The following RGS8 variants were observed in gnomAD, a reference collection of about 807,000 sequenced individuals.
RGS8 encodes the protein regulator of G protein signaling 8, also known as regulator of G-protein signaling 8.
A neutral mutation model predicts 21.7 loss-of-function variants in RGS8; 8 were observed. That is an observed-to-expected ratio of 0.37 (90% CI 0.22 to 0.66). The LOEUF is 0.66. Ranked by LOEUF, RGS8 falls within the 30% of genes least tolerant of loss-of-function variation. The pLI is 0.59. For missense variants in RGS8, 157 were observed against 217.9 expected (o/e 0.72, Z 1.76); for synonymous variants, 80 against 83.6 (o/e 0.96, Z 0.24).
At chr1:182,643,401 C>T (rs888307602), downstream of RGS8, 1 of 147,356 alleles carries the variant, frequency 6.8e-6, no homozygotes, top group African/African-American at 2.5e-5. Flanking sequence ...ATTGGAATCA[C>T]CTGTGGAGCT....
At chr1:182,685,760 G>A (rs1664686760), upstream of RGS8, among the ~76,000 whole-genome samples, 1 of 152,082 alleles carries the variant, frequency 6.6e-6, no homozygotes, top group South Asian at 2.1e-4. Context: ...GACCCCTCAG[G>A]GGACAGGTCA....
chr1:182,711,865 C>T, the RGS8 span, among the ~76,000 whole-genome samples: 1 of 152,158 alleles, frequency 6.6e-6, no homozygotes, highest in Non-Finnish European at 1.5e-5. Context: ...TCTCTGTTTT[C>T]CTCCTTTGCT....
At chr1:182,710,610 C>G in the RGS8 span, among the ~76,000 whole-genome samples, 1 of 152,002 alleles carries the variant, frequency 6.6e-6, no homozygotes, top group Non-Finnish European at 1.5e-5. Flanking sequence ...ACAAAAGGCC[C>G]CCAAAGATTG....
upstream of RGS8, among the ~76,000 whole-genome samples, chr1:182,689,284 C>G (rs971390408): frequency 4.0e-5 from 6 of 148,858 alleles, no homozygotes; most frequent in Admixed American, 1.3e-4. Flanking sequence ...CACACACACA[C>G]ACACACACAC....
chr1:182,750,189 C>T, the RGS8 span, among the ~76,000 whole-genome samples: 2 of 152,092 alleles, frequency 1.3e-5, no homozygotes, highest in Admixed American at 6.5e-5. Flanking sequence ...GCTATGGAAG[C>T]CTAATAAATT....
At chr1:182,691,851 T>C in the RGS8 span, among the ~76,000 whole-genome samples, 1 of 151,952 alleles carries the variant, frequency 6.6e-6, no homozygotes, top group Non-Finnish European at 1.5e-5. Flanking sequence ...ATAAAAGGCA[T>C]CCAAATAGAA....
the RGS8 span, among the ~76,000 whole-genome samples, chr1:182,743,889 A>G: frequency 6.6e-6 from 1 of 152,200 alleles, no homozygotes; most frequent in African/African-American, 2.4e-5. Context: ...ACACATGTGC[A>G]TATATGTATG....
chr1:182,741,960 G>A, the RGS8 span, among the ~76,000 whole-genome samples: 2 of 147,214 alleles, frequency 1.4e-5, no homozygotes, highest in Non-Finnish European at 3.0e-5. Flanking sequence ...TGGCTGCTGG[G>A]CGGAGGGGCT....
At chr1:182,646,784 G>T in exon 7 of RGS8, 1 of 1,614,160 alleles carries the variant, frequency 6.2e-7, no homozygotes, top group Non-Finnish European at 8.5e-7. Context: ...GTACATTTTG[G>T]ACCTCAGGAA....
the RGS8 span, among the ~76,000 whole-genome samples, chr1:182,748,568 AG>A: frequency 6.6e-6 from 1 of 152,244 alleles, no homozygotes; most frequent in African/African-American, 2.4e-5. Context: ...GATTAACACA[AG>A]AGTGCAGATA....
chr1:182,730,567 G>A, the RGS8 span, among the ~76,000 whole-genome samples: 4 of 151,978 alleles, frequency 2.6e-5, no homozygotes, highest in Non-Finnish European at 4.4e-5. Context: ...AAAAATGGCC[G>A]GGCACAGTGG....
the RGS8 span, among the ~76,000 whole-genome samples, chr1:182,693,615 G>T: frequency 6.6e-6 from 1 of 152,166 alleles, no homozygotes; most frequent in South Asian, 2.1e-4. Context: ...CATTTTCATT[G>T]TTTGGTATAT....
chr1:182,743,041 C>CA, the RGS8 span, among the ~76,000 whole-genome samples: 8,141 of 152,274 alleles, frequency 0.053, 246 homozygotes, highest in Middle Eastern at 0.071. Context: ...TAAACACCCA[C>CA]AGGCCTTGGA....
chr1:182,705,639 A>G, the RGS8 span, among the ~76,000 whole-genome samples: 1 of 136,056 alleles, frequency 7.3e-6, no homozygotes, highest in South Asian at 2.3e-4. Context: ...CAGTACTCAG[A>G]TAATAGTAAA....
intron 1 of RGS8, among the ~76,000 whole-genome samples, chr1:182,680,918 CA>C (rs1421619733): frequency 6.6e-6 from 1 of 152,192 alleles, no homozygotes. Flanking sequence ...CCAGGGTCAG[CA>C]ACAAGGGTTC....
the RGS8 span, among the ~76,000 whole-genome samples, chr1:182,730,225 C>T: frequency 1.3e-5 from 2 of 152,326 alleles, no homozygotes; most frequent in African/African-American, 4.8e-5. Context: ...CCATAAGACA[C>T]TCATTCACTC....
intron 5 of RGS8, among the ~76,000 whole-genome samples, chr1:182,657,833 T>A (rs760532084): frequency 3.0e-4 from 45 of 152,186 alleles, no homozygotes; most frequent in African/African-American, 1.1e-3. Flanking sequence ...TGACTATTAT[T>A]CCTTGTACTT....
At chr1:182,690,349 C>G in the RGS8 span, among the ~76,000 whole-genome samples, 1 of 152,196 alleles carries the variant, frequency 6.6e-6, no homozygotes, top group African/African-American at 2.4e-5. Flanking sequence ...ACCATAAGCT[C>G]CATGAAGGCA....
At chr1:182,658,659 G>C (rs1663402576) in intron 5 of RGS8, 1 of 152,212 alleles carries the variant, frequency 6.6e-6, no homozygotes, top group Non-Finnish European at 1.5e-5. Context: ...CTCTTCTTTT[G>C]TGAAATCTGT....
Sources: allele counts gnomAD v4.1 joint callset (sites outside exome capture counted in the v4.1 genomes callset), GRCh38; gene constraint gnomAD v4.1.1; transcripts MANE v1.5; gene names NCBI Gene and HGNC (gene_info 2026-07-23, HGNC 2026-07-21).